The following TMEM25 variants were observed in gnomAD, a reference collection of about 807,000 sequenced individuals.
The protein encoded by TMEM25 is transmembrane protein 25, also known as 0610039J01Rik.
Under a neutral mutation model 37.0 loss-of-function variants are expected in TMEM25, and 36 were observed. The ratio of observed to expected loss-of-function variants is 0.97; its 90% CI spans 0.75 to 1.28. The LOEUF is 1.28. TMEM25 is among the 50% of genes most tolerant of loss of function. The probability of loss-of-function intolerance (pLI) is 0.00; values close to 1 mark genes in which losing one functional copy is unlikely to be tolerated. For missense variants in TMEM25, 444 were observed against 477.9 expected (o/e 0.93, Z 0.66); for synonymous variants, 197 against 203.7 (o/e 0.97, Z 0.28).
At position 118,531,204 on chromosome 11, in the gene TMEM25, T is replaced by G; in HGVS notation, c.-58T>G. The G allele has an allele frequency of 4.1e-6, 2 of 484,368 alleles. No homozygotes were observed. The highest frequency in any genetic ancestry group is 7.4e-6 in the Non-Finnish European group (2 of 271,914). The allele number at this position is 484,368 out of a possible 1,614,324, so 30.0% of individuals were successfully genotyped here. On this transcript the variant is annotated 5_prime_UTR_variant, in exon 1 of 9. Transcript: ENST00000313236. ...TGCGGTGCTCATCAGACCTGAGCAG[T>G]TGCTCCGGCGGCGCTCGGGGAGGGA...
chr11:118,545,601 C>T, intron 8 of TMEM25: 1 of 1,122,984 alleles, frequency 8.9e-7, no homozygotes, highest in Non-Finnish European at 1.3e-6. Flanking sequence ...GTCGCTATGA[C>T]TTTGGGGGTT....
intron 8 of TMEM25, among the ~76,000 whole-genome samples, chr11:118,541,521 CATTTTTTGTTACTT>C (rs1565340051): frequency 6.6e-6 from 1 of 150,830 alleles, no homozygotes; most frequent in East Asian, 1.9e-4. Context: ...TGTCTTAGTC[CATTTTTTGTTACTT>C]ATAACAATAC....
Position 118,531,766 on chromosome 11 carries a change from T to TA in TMEM25, c.-27-9_-27-8insA, listed in dbSNP as rs1156327635. The TA allele has an allele frequency of 6.5e-7, 1 of 1,534,202 alleles. No homozygotes were observed. The highest frequency in any genetic ancestry group is 8.8e-7 in the Non-Finnish European group (1 of 1,138,368). On this transcript the variant is annotated splice_polypyrimidine_tract_variant and intron_variant, in intron 1 of 8. Coordinates refer to ENST00000313236, the MANE Select transcript of TMEM25 (RefSeq NM_032780.4). ...TCACCTGGCTGACAGGCCCGCCCCCTTCTCTCAGCAGCCTAGGGCCTAGGC... is the reference window on the plus strand; with the variant it reads ...TCACCTGGCTGACAGGCCCGCCCCCTATCTCTCAGCAGCCTAGGGCCTAGGC...
downstream of TMEM25, among the ~76,000 whole-genome samples, chr11:118,538,821 G>A (rs11216880): frequency 0.16 from 24,267 of 150,930 alleles, 2,386 homozygotes; most frequent in East Asian, 0.49. Flanking sequence ...TGTACCAGGA[G>A]GCAGAGGTTG....
chr11:118,537,107 G>A (rs1473148013), downstream of TMEM25, among the ~76,000 whole-genome samples: 1 of 152,292 alleles, frequency 6.6e-6, no homozygotes, highest in Non-Finnish European at 1.5e-5. Context: ...TTGGGAGGCC[G>A]AGGCGGGTGG....
chr11:118,544,084 A>G (rs1951620662), intron 8 of TMEM25, among the ~76,000 whole-genome samples: 1 of 152,204 alleles, frequency 6.6e-6, no homozygotes, highest in Non-Finnish European at 1.5e-5. Context: ...CTGGGATTAC[A>G]GGCGTGAGCC....
chr11:118,532,462 G>A lies in TMEM25; in HGVS notation c.382+1G>A. On this transcript the variant is annotated splice_donor_variant, in intron 3 of 8. Transcript: ENST00000313236. LOFTEE classifies it high-confidence loss of function. Reference sequence around the variant, plus strand: ...GCCTCTGTCATCCTTAATGTGCAATGTGAGTGGCCCTGAGGTGGGCAGGGA... The same window carrying A: ...GCCTCTGTCATCCTTAATGTGCAATATGAGTGGCCCTGAGGTGGGCAGGGA... 1 of 1,609,584 alleles carries A rather than the reference G, an allele frequency of 6.2e-7. No homozygotes were observed. The highest frequency in any genetic ancestry group is 8.5e-7 in the Non-Finnish European group (1 of 1,176,950).
chr11:118,533,273 GA>G, intron 4 of TMEM25, 66 bp downstream of exon 4: 1 of 1,557,716 alleles, frequency 6.4e-7, no homozygotes, highest in Non-Finnish European at 8.7e-7. Context: ...TCCCCATACA[GA>G]AATGGGAATA....
rs190690258 is a variant in TMEM25 at position 118,541,185 on chromosome 11, A to G, written c.1028-4934A>G. On this transcript the variant is annotated intron_variant, in intron 8 of 8. Coordinates refer to the TMEM25 transcript ENST00000354284. ...GTTTAGAAATTTCACCTAACAGGCC[A>G]GGCGCCGTGGCTCATGCCTGTAATC... is the stretch of plus-strand genomic sequence containing the variant. Among the ~76,000 whole-genome samples the G allele has an allele frequency of 9.3e-4, 141 of 152,270 alleles. 1 individual carries two copies. The Middle Eastern group carries it at 0.02, about 22-fold the overall frequency.
At chr11:118,539,076 T>C (rs1048144465), downstream of TMEM25, among the ~76,000 whole-genome samples, 1 of 152,106 alleles carries the variant, frequency 6.6e-6, no homozygotes. Context: ...CTGTTCATTA[T>C]TTATTTTGCT....
Position 118,531,252 on chromosome 11 carries a change from C to T in TMEM25, c.-28+18C>T. ...GGAGCCAGGTGAGCCGCCCCGGTGGCGGGGGGCGGGGGCGGGATGCTCGGC... is the reference window on the plus strand; with the variant it reads ...GGAGCCAGGTGAGCCGCCCCGGTGGTGGGGGGCGGGGGCGGGATGCTCGGC... On this transcript the variant is annotated intron_variant, in intron 1 of 8. Transcript: ENST00000313236. 2 of 382,380 alleles carry T rather than the reference C, an allele frequency of 5.2e-6. No homozygotes were observed. The highest frequency in any genetic ancestry group is 5.3e-5 in the South Asian group (2 of 37,704). The allele number at this position is 382,380 out of a possible 1,614,324, so 23.7% of individuals were successfully genotyped here. A position where few individuals can be genotyped will look rare whatever the true frequency, so the allele number is the denominator to read the frequency against.
chr11:118,533,993 G>A, intron 6 of TMEM25, 36 bp from the exon 7 acceptor site: 1 of 1,612,356 alleles, frequency 6.2e-7, no homozygotes, highest in East Asian at 2.2e-5. Flanking sequence ...CCTGTGCCGG[G>A]ACTCATATCC....
In TMEM25 at chr11:118,532,273, G is replaced by C. The variant is rs781814006; in HGVS notation, c.194G>C (p.Trp65Ser). 7 of 1,614,140 alleles carry C rather than the reference G, an allele frequency of 4.3e-6. No individual in the cohort carries two copies. In the Admixed American group the frequency reaches 5.0e-5, roughly 12 times the overall value. ...GGGCCTGGCACCCCCAGATTGGCCTGGTATCTGGATGGACAGCTGCAGGAG... is the reference window on the plus strand; with the variant it reads ...GGGCCTGGCACCCCCAGATTGGCCTCGTATCTGGATGGACAGCTGCAGGAG... ...AGGPGTPRLA[W>S]YLDGQLQEAS... The change falls in exon 3 of 9, where the codon TGG becomes TCG. Residue 65 changes from tryptophan (W) to serine (S), a missense_variant. Coordinates refer to ENST00000313236, the MANE Select transcript of TMEM25 (RefSeq NM_032780.4).
chr11:118,546,026 C>T, intron 8 of TMEM25: 1 of 711,826 alleles, frequency 1.4e-6, no homozygotes, highest in South Asian at 1.5e-5. Flanking sequence ...CAGAATGTGA[C>T]TATATTTGGA....
intron 8 of TMEM25, among the ~76,000 whole-genome samples, chr11:118,543,734 G>A (rs971366844): frequency 2.6e-5 from 4 of 151,584 alleles, no homozygotes; most frequent in African/African-American, 9.7e-5. Flanking sequence ...TGATCCACCC[G>A]CCTCAGCCTC....
At chr11:118,545,606 G>A in intron 8 of TMEM25, 6 of 1,093,352 alleles carry the variant, frequency 5.5e-6, no homozygotes, top group Non-Finnish European at 6.9e-6. Context: ...TATGACTTTG[G>A]GGGTTAAATA....
chr11:118,533,684 T>G (rs1591340653), intron 5 of TMEM25, 133 bp downstream of exon 5: 1 of 1,572,570 alleles, frequency 6.4e-7, no homozygotes, highest in Non-Finnish European at 8.7e-7. Context: ...ATGGGTACGG[T>G]GACATGCATC....
At chr11:118,538,889 CAAA>C (rs781943725), downstream of TMEM25, among the ~76,000 whole-genome samples, 5 of 86,700 alleles carry the variant, frequency 5.8e-5, no homozygotes, top group African/African-American at 4.1e-5. Context: ...AAGGCCGTCT[CAAA>C]AAAAAAAAAA....
chr11:118,537,072 G>T (rs111837632), downstream of TMEM25, among the ~76,000 whole-genome samples: 315 of 152,296 alleles, frequency 2.1e-3, no homozygotes, highest in African/African-American at 7.0e-3. Context: ...CAGGCATGGT[G>T]GCTCACGCCT....
Sources: allele counts gnomAD v4.1 joint callset (sites outside exome capture counted in the v4.1 genomes callset), GRCh38; gene constraint gnomAD v4.1.1; transcripts MANE v1.5; gene names NCBI Gene and HGNC (gene_info 2026-07-23, HGNC 2026-07-21).